The following SPAG17 variants were observed in gnomAD, a reference collection of about 807,000 sequenced individuals.
SPAG17 encodes sperm associated antigen 17, also known as sperm-associated antigen 17.
SPAG17 carries 169 observed loss-of-function variants against 273.6 expected under a neutral mutation model. That is an observed-to-expected ratio of 0.62 (90% confidence interval 0.55 to 0.70). The LOEUF (loss-of-function observed/expected upper bound fraction) is 0.70, where lower values mean the gene tolerates loss of function less well. Ranked by LOEUF, SPAG17 falls within the 30% of genes least tolerant of loss-of-function variation. The probability of loss-of-function intolerance (pLI) is 0.00; values close to 1 mark genes in which losing one functional copy is unlikely to be tolerated. For synonymous variants in SPAG17, 825 were observed against 873.2 expected (o/e 0.94, Z 0.97); for missense variants, 2,557 against 2,627.8 (o/e 0.97, Z 0.59).
chr1:118,111,586 A>C (rs557446542), intron 4 of SPAG17, among the ~76,000 whole-genome samples: 54 of 151,124 alleles, frequency 3.6e-4, no homozygotes, highest in African/African-American at 1.3e-3. Flanking sequence ...ACACACACAC[A>C]CACACAAATG....
chr1:117,983,801 A>C lies in SPAG17; in HGVS notation c.5872+10T>G, dbSNP rs965379428. On this transcript the variant is annotated intron_variant, in intron 42 of 48. Transcript: ENST00000336338. ...ATTTAATAGGAATATGTGCTATGCT[A>C]ACATATTACCTAGATTAAGATCAGA... 20 of 1,552,212 alleles carry C rather than the reference A, an allele frequency of 1.3e-5. No individual in the cohort carries two copies. Among genetic ancestry groups the C allele is most frequent in the Non-Finnish European group, 1.8e-5 (20 of 1,126,136 alleles).
rs762974662 is a variant in SPAG17, at chr1:118,099,759, C to A, written c.676G>T (p.Val226Leu). ...AATAGCTGAGGATTGTTAAAGCCCA[C>A]AACTATAATGTAATGTTGGGCACCA... Reference protein sequence around the residue: ...DDGAQHYIIVVGFNNPQLLAI... With the variant: ...DDGAQHYIIVLGFNNPQLLAI... Residue 226 changes from valine to leucine, a missense_variant, in exon 6 of 49, where the codon GTG becomes TTG. Coordinates refer to ENST00000336338, the MANE Select transcript of SPAG17 (RefSeq NM_206996.4). 3.1e-6 allele frequency: 5 copies of A among 1,613,086 alleles called. No homozygotes were observed. The highest frequency in any genetic ancestry group is 3.4e-6 in the Non-Finnish European group (4 of 1,179,926).
At chr1:118,046,793 C>T (rs1438593429) in intron 20 of SPAG17, among the ~76,000 whole-genome samples, 1 of 152,054 alleles carries the variant, frequency 6.6e-6, no homozygotes, top group South Asian at 2.1e-4. Flanking sequence ...GGGGGAATAA[C>T]ATTTCACTTA....
At chr1:118,118,581 T>C (rs74799923) in intron 3 of SPAG17, among the ~76,000 whole-genome samples, 1,716 of 152,262 alleles carry the variant, frequency 0.011, 28 homozygotes, top group African/African-American at 0.039. Flanking sequence ...CTTATTAAAA[T>C]GGAGAAAAAT....
intron 45 of SPAG17, 22 bp from the exon 46 acceptor site, chr1:117,970,138 A>AT: frequency 6.2e-7 from 1 of 1,605,250 alleles, no homozygotes; most frequent in Non-Finnish European, 8.5e-7. Context: ...AAAGATAAAA[A>AT]TAAATTTATG....
In SPAG17 at chr1:117,996,668, C is replaced by T; in HGVS notation, c.4852G>A (p.Gly1618Ser). Residue 1618 changes from glycine to serine, a missense_variant, in exon 33 of 49, where the codon GGC becomes AGC. Transcript: ENST00000336338. ...LEDDLNEKTE[G>S]YDSLSSMHLE... Reference sequence around the variant, plus strand: ...TGCATAGAGGACAGACTATCATAGCCCTCAGTTTTCTCATTTAAATCATCT... The same window carrying T: ...TGCATAGAGGACAGACTATCATAGCTCTCAGTTTTCTCATTTAAATCATCT... 1 of 1,612,698 alleles carries T rather than the reference C, an allele frequency of 6.2e-7. No homozygotes were observed. The highest frequency in any genetic ancestry group is 1.1e-5 in the South Asian group (1 of 90,928).
At chr1:118,092,357 C>T in intron 8 of SPAG17, among the ~76,000 whole-genome samples, 1 of 152,168 alleles carries the variant, frequency 6.6e-6, no homozygotes, top group East Asian at 1.9e-4. Flanking sequence ...CCATTGCCTA[C>T]ATGATATAAA....
At chr1:118,098,694 A>G (rs1339012364) in intron 6 of SPAG17, among the ~76,000 whole-genome samples, 1 of 152,108 alleles carries the variant, frequency 6.6e-6, no homozygotes, top group Non-Finnish European at 1.5e-5. Context: ...TGTAAAATGG[A>G]AACAATAAAA....
At chr1:118,086,130 G>C in intron 12 of SPAG17, 58 bp from the exon 13 acceptor site, 2 of 1,494,032 alleles carry the variant, frequency 1.3e-6, no homozygotes, top group Non-Finnish European at 1.8e-6. Flanking sequence ...AGTGCCTTAT[G>C]CATATGGAGA....
intron 3 of SPAG17, among the ~76,000 whole-genome samples, chr1:118,144,776 T>C (rs187040075): frequency 1.4e-3 from 208 of 152,302 alleles, no homozygotes; most frequent in Non-Finnish European, 1.6e-3. Flanking sequence ...CTGGCCATAA[T>C]AGCTTCAAAG....
chr1:117,988,239 C>T, intron 38 of SPAG17, 35 bp from the exon 39 acceptor site: 1 of 1,477,800 alleles, frequency 6.8e-7, no homozygotes, highest in South Asian at 1.3e-5. Context: ...TTTATCCCCA[C>T]TTCTTTATAG....
At position 117,992,595 on chromosome 1, in the gene SPAG17, A is replaced by T. The variant is rs772511379; in HGVS notation, c.5232T>A (p.Ile1744=). 6.2e-7 allele frequency: 1 copy of T among 1,613,334 alleles called. No individual in the cohort carries two copies. Among genetic ancestry groups the T allele is most frequent in the East Asian group, 2.2e-5 (1 of 44,852 alleles). Residue 1744 remains isoleucine, a synonymous_variant, in exon 36 of 49, where the codon ATT becomes ATA. Coordinates refer to ENST00000336338, the MANE Select transcript of SPAG17 (RefSeq NM_206996.4). ...GGGCACTCACTAGCTGTTTGGACTC[A>T]ATGCAAAGGCCTTTCCAAATCTGAG... ...FGTQIWKGLC[I]ESKQLVSAPG...
intron 8 of SPAG17, among the ~76,000 whole-genome samples, chr1:118,092,799 T>G (rs565875235): frequency 1.3e-5 from 2 of 152,322 alleles, no homozygotes; most frequent in Admixed American, 1.3e-4. Flanking sequence ...AAAGTTAACC[T>G]CAATGAGGAG....
chr1:118,095,220 G>T (rs916330949), intron 7 of SPAG17, among the ~76,000 whole-genome samples: 2 of 152,230 alleles, frequency 1.3e-5, no homozygotes, highest in African/African-American at 4.8e-5. Flanking sequence ...GAAGCAGAGT[G>T]CTAGAAATGG....
At chr1:117,990,079 G>A (rs1006912764) in intron 38 of SPAG17, among the ~76,000 whole-genome samples, 4 of 152,150 alleles carry the variant, frequency 2.6e-5, no homozygotes, top group Non-Finnish European at 4.4e-5. Context: ...CGGAGACATA[G>A]GGGGTTGTGA....
At chr1:118,120,276 G>A (rs1657345759) in intron 3 of SPAG17, among the ~76,000 whole-genome samples, 1 of 75,976 alleles carries the variant, frequency 1.3e-5, no homozygotes, top group African/African-American at 5.3e-5. Context: ...AATATTGCTA[G>A]TGAGATTAAA....
intron 30 of SPAG17, among the ~76,000 whole-genome samples, chr1:118,010,303 G>C (rs10923467): frequency 6.6e-6 from 1 of 151,910 alleles, no homozygotes; most frequent in Non-Finnish European, 1.5e-5. Flanking sequence ...TCAACTATAA[G>C]CTATACTACA....
intron 48 of SPAG17, chr1:117,959,480 T>C: frequency 6.5e-7 from 1 of 1,548,534 alleles, no homozygotes; most frequent in Non-Finnish European, 8.7e-7. Flanking sequence ...TTTTTTCAAC[T>C]TTTTCCTTTA....
At chr1:118,054,473 T>G (rs1468214388) in intron 19 of SPAG17, among the ~76,000 whole-genome samples, 1 of 152,104 alleles carries the variant, frequency 6.6e-6, no homozygotes, top group Non-Finnish European at 1.5e-5. Context: ...TTGTAGTCAT[T>G]CTGTTTTGAA....
Sources: gnomAD v4.1 joint callset for allele counts (sites outside exome capture counted in the v4.1 genomes callset) on GRCh38, gnomAD v4.1.1 for gene constraint, MANE v1.5 for transcripts, NCBI Gene and HGNC (gene_info 2026-07-23, HGNC 2026-07-21) for gene names.